DCDC2: variants seen among roughly 807,000 people sequenced by gnomAD.
DCDC2 encodes the protein doublecortin domain containing 2.
In DCDC2, 40 loss-of-function variants were observed where a neutral mutation model predicts 50.2. The ratio of observed to expected loss-of-function variants is 0.80; its 90% confidence interval spans 0.62 to 1.04. The LOEUF (loss-of-function observed/expected upper bound fraction) is 1.04, where lower values mean the gene tolerates loss of function less well. Ranked by LOEUF, DCDC2 falls within the 50% of genes least tolerant of loss-of-function variation. The pLI, the probability that DCDC2 is intolerant of heterozygous loss-of-function variation, is 0.00. For synonymous variants in DCDC2, 234 were observed against 210.6 expected (o/e 1.11, Z -0.96); for missense variants, 570 against 581.9 (o/e 0.98, Z 0.21).
At chr6:24,220,853 G>GGAGAGAGACAGAGAGC (rs796206450) in intron 7 of DCDC2, among the ~76,000 whole-genome samples, 6,789 of 31,158 alleles carry the variant, frequency 0.22, 627 homozygotes, top group African/African-American at 0.48. Flanking sequence ...CATGGCGGCA[G>GGAGAGAGACAGAGAGC]GAGAGAGACA....
chr6:24,325,848 T>C (rs914150155), intron 2 of DCDC2, among the ~76,000 whole-genome samples: 1 of 149,214 alleles, frequency 6.7e-6, no homozygotes, highest in African/African-American at 2.4e-5. Flanking sequence ...TATTTTACCA[T>C]GTCTCTGGTT....
At chr6:24,257,989 T>C (rs1339817833) in intron 7 of DCDC2, among the ~76,000 whole-genome samples, 1 of 152,036 alleles carries the variant, frequency 6.6e-6, no homozygotes, top group Non-Finnish European at 1.5e-5. Flanking sequence ...TAAAGTTAAC[T>C]GGATTAAAGT....
intron 7 of DCDC2, among the ~76,000 whole-genome samples, chr6:24,271,585 C>A (rs1561752293): frequency 2.0e-5 from 3 of 152,182 alleles, no homozygotes; most frequent in Admixed American, 2.0e-4. Flanking sequence ...GATCCCTGAC[C>A]TGGAGGCTCT....
At chr6:24,307,866 C>T (rs1759501786) in intron 2 of DCDC2, among the ~76,000 whole-genome samples, 1 of 151,866 alleles carries the variant, frequency 6.6e-6, no homozygotes, top group Admixed American at 6.6e-5. Context: ...GGGGATGTGC[C>T]ATAACTGATA....
intron 8 of DCDC2, among the ~76,000 whole-genome samples, chr6:24,198,374 G>A (rs1761494158): frequency 1.3e-5 from 2 of 152,150 alleles, no homozygotes; most frequent in South Asian, 2.1e-4. Context: ...AGGGTGGGGG[G>A]CACTGCCTCA....
intron 2 of DCDC2, among the ~76,000 whole-genome samples, chr6:24,331,883 A>G (rs913765343): frequency 6.6e-6 from 1 of 152,208 alleles, no homozygotes; most frequent in African/African-American, 2.4e-5. Context: ...GAAAACCAAG[A>G]AGGAGAAATT....
chr6:24,249,358 A>G (rs1227799341), intron 7 of DCDC2, among the ~76,000 whole-genome samples: 2 of 152,206 alleles, frequency 1.3e-5, no homozygotes, highest in Non-Finnish European at 1.5e-5. Flanking sequence ...AGTCCCATGT[A>G]AGAAGACAAG....
intron 2 of DCDC2, among the ~76,000 whole-genome samples, chr6:24,345,735 C>T (rs1167402820): frequency 6.6e-6 from 1 of 152,178 alleles, no homozygotes; most frequent in Admixed American, 6.5e-5. Context: ...CTTCTGCTCT[C>T]TCTTCTTGCT....
chr6:24,299,796 G>A (rs1269261145), intron 4 of DCDC2, among the ~76,000 whole-genome samples: 1 of 152,046 alleles, frequency 6.6e-6, no homozygotes, highest in Non-Finnish European at 1.5e-5. Context: ...GCAGGCGCCT[G>A]TAATCCCAGC....
At chr6:24,253,139 G>A (rs146511779) in intron 7 of DCDC2, among the ~76,000 whole-genome samples, 7 of 152,060 alleles carry the variant, frequency 4.6e-5, no homozygotes, top group African/African-American at 1.2e-4. Flanking sequence ...TAGAAAAAGA[G>A]TAAGTTAAAC....
At chr6:24,200,189 A>T (rs942705309) in intron 8 of DCDC2, among the ~76,000 whole-genome samples, 3 of 152,176 alleles carry the variant, frequency 2.0e-5, no homozygotes, top group African/African-American at 7.2e-5. Flanking sequence ...AAAAAGAGTA[A>T]CCCCAAGACA....
At chr6:24,284,912 T>C (rs929156125) in intron 6 of DCDC2, among the ~76,000 whole-genome samples, 1 of 152,196 alleles carries the variant, frequency 6.6e-6, no homozygotes, top group Non-Finnish European at 1.5e-5. Context: ...GACAATTTTA[T>C]ATAAATCAAT....
chr6:24,296,352 A>G (rs1759240528), intron 4 of DCDC2, among the ~76,000 whole-genome samples: 1 of 152,226 alleles, frequency 6.6e-6, no homozygotes, highest in Non-Finnish European at 1.5e-5. Flanking sequence ...ACTTAAACAT[A>G]AAACGCAAAA....
chr6:24,275,933 G>C (rs552395314), intron 7 of DCDC2, among the ~76,000 whole-genome samples: 1 of 134,940 alleles, frequency 7.4e-6, no homozygotes, highest in Non-Finnish European at 1.5e-5. Context: ...GCAGTGACAC[G>C]ATCATGGCTC....
intron 8 of DCDC2, among the ~76,000 whole-genome samples, chr6:24,194,279 TAAGAA>T (rs1761377197): frequency 6.6e-6 from 1 of 152,212 alleles, no homozygotes; most frequent in African/African-American, 2.4e-5. Flanking sequence ...TTTAAATAAA[TAAGAA>T]AATAGTATAT....
upstream of DCDC2, chr6:24,358,242 C>T (rs1561787837): frequency 3.8e-6 from 1 of 261,346 alleles, no homozygotes; most frequent in East Asian, 7.7e-5. Context: ...CTTTACCCCT[C>T]AATCTCCTGC....
At chr6:24,186,339 C>G (rs543325880) in intron 8 of DCDC2, among the ~76,000 whole-genome samples, 1 of 152,172 alleles carries the variant, frequency 6.6e-6, no homozygotes. Context: ...ATCTTCCCAA[C>G]CTGTGGGCAG....
intron 2 of DCDC2, among the ~76,000 whole-genome samples, chr6:24,333,619 T>A (rs553527761): frequency 1.3e-5 from 2 of 152,310 alleles, no homozygotes; most frequent in East Asian, 3.9e-4. Flanking sequence ...CAAAAAACAT[T>A]GATGTAAAGT....
At chr6:24,358,188 A>AC, upstream of DCDC2, 1 of 382,886 alleles carries the variant, frequency 2.6e-6, no homozygotes. Flanking sequence ...TATCTGTGCT[A>AC]CCCTTTCCAA....
Sources: gnomAD v4.1 joint callset for allele counts (sites outside exome capture counted in the v4.1 genomes callset) on GRCh38, gnomAD v4.1.1 for gene constraint, MANE v1.5 for transcripts, NCBI Gene and HGNC (gene_info 2026-07-23, HGNC 2026-07-21) for gene names.